The following RASAL2 variants were observed in gnomAD, a reference collection of about 807,000 sequenced individuals.
The protein encoded by RASAL2 is RAS protein activator like 2, also known as ras GTPase-activating protein nGAP.
RASAL2 carries 58 observed loss-of-function variants against 128.9 expected under a neutral mutation model. The ratio of observed to expected loss-of-function variants is 0.45; its 90% CI spans 0.36 to 0.56. The LOEUF is 0.56. RASAL2 is among the 20% of genes least tolerant of loss of function. The probability of loss-of-function intolerance (pLI) is 0.00; values close to 1 mark genes in which losing one functional copy is unlikely to be tolerated. For synonymous variants in RASAL2, 561 were observed against 580.8 expected (o/e 0.97, Z 0.49); for missense variants, 1,360 against 1,601.6 (o/e 0.85, Z 2.57).
chr1:178,312,735 TAACTC>T (rs1275016837), intron 3 of RASAL2, among the ~76,000 whole-genome samples: 2 of 152,172 alleles, frequency 1.3e-5, no homozygotes, highest in Non-Finnish European at 2.9e-5. Context: ...ATTGATAAGT[TAACTC>T]AATCAGCGGA....
chr1:178,338,114 T>A (rs917029676), intron 3 of RASAL2, among the ~76,000 whole-genome samples: 4 of 151,100 alleles, frequency 2.6e-5, no homozygotes, highest in Non-Finnish European at 4.4e-5. Flanking sequence ...GGTTTCAGAA[T>A]TTTTTTTTAT....
At chr1:178,277,617 GA>G (rs1666587438) in intron 1 of RASAL2, among the ~76,000 whole-genome samples, 1 of 152,196 alleles carries the variant, frequency 6.6e-6, no homozygotes, top group African/African-American at 2.4e-5. Flanking sequence ...CTGTGGTGTG[GA>G]AATGAAAATG....
intron 3 of RASAL2, among the ~76,000 whole-genome samples, chr1:178,321,431 T>C (rs910552300): frequency 6.6e-6 from 1 of 152,208 alleles, no homozygotes; most frequent in African/African-American, 2.4e-5. Flanking sequence ...AATCTGGCTT[T>C]ATTTGCCACT....
At chr1:178,254,298 G>A (rs10913525) in intron 1 of RASAL2, among the ~76,000 whole-genome samples, 40,805 of 151,890 alleles carry the variant, frequency 0.27, 6,339 homozygotes, top group African/African-American at 0.44. Context: ...ACTAGATTAA[G>A]TCTCCCCATA....
chr1:178,350,575 C>T (rs1176049831), intron 3 of RASAL2, among the ~76,000 whole-genome samples: 1 of 152,126 alleles, frequency 6.6e-6, no homozygotes, highest in Non-Finnish European at 1.5e-5. Flanking sequence ...GAGAGTGCAG[C>T]TGGTTCTCTG....
chr1:178,162,289 T>TTATATATATATATATA (rs554582730), intron 1 of RASAL2, among the ~76,000 whole-genome samples: 1 of 122,316 alleles, frequency 8.2e-6, no homozygotes, highest in African/African-American at 3.2e-5. Flanking sequence ...TAAGATTTCT[T>TTATATATATATATATA]TATATATATA....
chr1:178,257,971 A>G (rs567527569), intron 1 of RASAL2, among the ~76,000 whole-genome samples: 10 of 152,242 alleles, frequency 6.6e-5, no homozygotes, highest in African/African-American at 2.4e-4. Context: ...GGACTTCATC[A>G]ATATTTAAAA....
intron 1 of RASAL2, among the ~76,000 whole-genome samples, chr1:178,222,584 T>C (rs1047597342): frequency 2.6e-5 from 4 of 152,214 alleles, no homozygotes; most frequent in Non-Finnish European, 4.4e-5. Context: ...AAGTTCTATC[T>C]TAGAACCGAT....
chr1:178,350,344 C>A (rs1468454115), intron 3 of RASAL2, among the ~76,000 whole-genome samples: 6 of 152,214 alleles, frequency 3.9e-5, no homozygotes, highest in African/African-American at 1.4e-4. Flanking sequence ...CCTCAGCCCC[C>A]CGAGTAGCTG....
chr1:178,172,718 A>T (rs1661743699), intron 1 of RASAL2, among the ~76,000 whole-genome samples: 1 of 152,130 alleles, frequency 6.6e-6, no homozygotes, highest in Non-Finnish European at 1.5e-5. Context: ...ACTAGGAGAC[A>T]TAATGAGATA....
At chr1:178,376,195 A>G (rs1671980969) in intron 3 of RASAL2, among the ~76,000 whole-genome samples, 1 of 152,172 alleles carries the variant, frequency 6.6e-6, no homozygotes, top group African/African-American at 2.4e-5. Context: ...AGAAGTCAGA[A>G]AAAAACCACT....
intron 1 of RASAL2, among the ~76,000 whole-genome samples, chr1:178,113,614 C>T (rs1024020013): frequency 6.6e-6 from 1 of 151,076 alleles, no homozygotes; most frequent in African/African-American, 2.4e-5. Flanking sequence ...AACTCCTGGC[C>T]TCAAGCAATC....
chr1:178,229,219 A>G (rs889297436), intron 1 of RASAL2, among the ~76,000 whole-genome samples: 1 of 152,180 alleles, frequency 6.6e-6, no homozygotes, highest in African/African-American at 2.4e-5. Flanking sequence ...TTACATAACC[A>G]TAGTAAAATT....
At chr1:178,331,144 G>GA (rs1669286099) in intron 3 of RASAL2, among the ~76,000 whole-genome samples, 1 of 152,190 alleles carries the variant, frequency 6.6e-6, no homozygotes, top group Non-Finnish European at 1.5e-5. Context: ...TAGTACCTTA[G>GA]AAGTGGTGAG....
At chr1:178,310,928 C>T (rs934645975) in intron 3 of RASAL2, among the ~76,000 whole-genome samples, 2 of 152,132 alleles carry the variant, frequency 1.3e-5, no homozygotes, top group African/African-American at 4.8e-5. Context: ...TTTGTACAGT[C>T]AAGTTCTGTG....
At chr1:178,412,061 G>GA (rs369185850) in intron 4 of RASAL2, 15,504 of 246,302 alleles carry the variant, frequency 0.063, 3 homozygotes, top group South Asian at 0.11. Flanking sequence ...GCCATCATGT[G>GA]AAAAAAAAAA....
At chr1:178,157,622 T>C (rs1284877551) in intron 1 of RASAL2, among the ~76,000 whole-genome samples, 3 of 152,170 alleles carry the variant, frequency 2.0e-5, no homozygotes, top group Non-Finnish European at 4.4e-5. Context: ...TAGTTGATAG[T>C]GCTCTCAGAG....
At chr1:178,142,509 C>T (rs567133195) in intron 1 of RASAL2, among the ~76,000 whole-genome samples, 3 of 152,264 alleles carry the variant, frequency 2.0e-5, no homozygotes, top group South Asian at 2.1e-4. Context: ...TACAGCATTT[C>T]GTATGGGCTA....
chr1:178,234,378 A>G (rs748435459), intron 1 of RASAL2, among the ~76,000 whole-genome samples: 6 of 152,208 alleles, frequency 3.9e-5, no homozygotes, highest in Non-Finnish European at 5.9e-5. Flanking sequence ...ATTTGCTTGT[A>G]TCATAAAATA....
Sources: gnomAD v4.1 joint callset for allele counts (sites outside exome capture counted in the v4.1 genomes callset) on GRCh38, gnomAD v4.1.1 for gene constraint, MANE v1.5 for transcripts, NCBI Gene and HGNC (gene_info 2026-07-23, HGNC 2026-07-21) for gene names.